Variants in ROBO2 observed in about 807,000 individuals in gnomAD.
The protein encoded by ROBO2 is roundabout guidance receptor 2.
A neutral mutation model predicts 160.8 loss-of-function variants in ROBO2; 53 were observed. The observed-to-expected ratio is 0.33, with a 90% CI of 0.26 to 0.41. The LOEUF (loss-of-function observed/expected upper bound fraction) is 0.41. Ranked by LOEUF, ROBO2 falls within the 10% of genes least tolerant of loss-of-function variation. ROBO2 has a pLI of 1.00. For synonymous variants in ROBO2, 664 were observed against 611.7 expected (o/e 1.09, Z -1.26); for missense variants, 1,577 against 1,722.4 (o/e 0.92, Z 1.49).
At chr3:77,370,937 T>C (rs1039277812) in intron 2 of ROBO2, among the ~76,000 whole-genome samples, 15 of 152,128 alleles carry the variant, frequency 9.9e-5, no homozygotes, top group Non-Finnish European at 1.6e-4. Context: ...GAGCTGAAAG[T>C]TTCCATAAAA....
chr3:75,952,378 G>T (rs1183188295), intron 2 of ROBO2, among the ~76,000 whole-genome samples: 2 of 151,936 alleles, frequency 1.3e-5, no homozygotes, highest in Non-Finnish European at 2.9e-5. Flanking sequence ...ATTTATTAAT[G>T]AAATGTAATC....
At chr3:77,046,981 T>C (rs532262503) in intron 1 of ROBO2, among the ~76,000 whole-genome samples, 1 of 152,234 alleles carries the variant, frequency 6.6e-6, no homozygotes, top group Admixed American at 6.5e-5. Context: ...GTGTACACAG[T>C]ATAGTCTTGA....
At chr3:77,512,199 T>C (rs1364636914) in intron 5 of ROBO2, among the ~76,000 whole-genome samples, 1 of 151,962 alleles carries the variant, frequency 6.6e-6, no homozygotes, top group African/African-American at 2.4e-5. Context: ...ACCTTAAATA[T>C]TGAAGATTAA....
chr3:76,150,570 C>A (rs2072157902), intron 2 of ROBO2, among the ~76,000 whole-genome samples: 1 of 152,188 alleles, frequency 6.6e-6, no homozygotes, highest in South Asian at 2.1e-4. Context: ...ATTCCCACCT[C>A]AGGGCCTTTA....
intron 2 of ROBO2, among the ~76,000 whole-genome samples, chr3:77,421,984 G>C (rs1277708211): frequency 6.6e-6 from 1 of 152,080 alleles, no homozygotes; most frequent in Non-Finnish European, 1.5e-5. Flanking sequence ...AAATGAATTA[G>C]AAATAATATC....
intron 2 of ROBO2, among the ~76,000 whole-genome samples, chr3:77,295,528 G>A (rs1231797268): frequency 7.7e-5 from 11 of 142,552 alleles, no homozygotes; most frequent in Admixed American, 5.6e-4. Flanking sequence ...ACGGTTAAAT[G>A]GGTAAGCTGA....
chr3:77,057,013 G>A (rs986671957), intron 1 of ROBO2, among the ~76,000 whole-genome samples: 28 of 152,060 alleles, frequency 1.8e-4, no homozygotes, highest in Admixed American at 3.9e-4. Flanking sequence ...ACATGCACAC[G>A]TATGTTTATT....
chr3:75,943,256 C>T (rs1055362834), intron 2 of ROBO2, among the ~76,000 whole-genome samples: 3 of 152,050 alleles, frequency 2.0e-5, no homozygotes, highest in African/African-American at 7.2e-5. Flanking sequence ...AAAAATCTTA[C>T]TATTCAACAT....
intron 2 of ROBO2, among the ~76,000 whole-genome samples, chr3:76,286,062 G>A (rs1160913001): frequency 6.6e-6 from 1 of 152,146 alleles, no homozygotes; most frequent in Non-Finnish European, 1.5e-5. Flanking sequence ...CTCCTAAGTA[G>A]TTCACAGTTC....
At chr3:76,728,522 C>T (rs1346668661) in intron 2 of ROBO2, among the ~76,000 whole-genome samples, 1 of 152,128 alleles carries the variant, frequency 6.6e-6, no homozygotes, top group African/African-American at 2.4e-5. Context: ...TCGCTATCTT[C>T]GTGTGTGAAA....
intron 2 of ROBO2, among the ~76,000 whole-genome samples, chr3:76,595,124 G>A (rs1461711110): frequency 6.6e-6 from 1 of 151,878 alleles, no homozygotes; most frequent in Non-Finnish European, 1.5e-5. Context: ...GGATTTATGG[G>A]CACACTGATC....
rs1209263318 is a variant in ROBO2, at chr3:76,939,062, C to G, written c.110-158952C>G. Among the ~76,000 whole-genome samples, 6 of 150,144 alleles carry G rather than the reference C, an allele frequency of 4.0e-5. No homozygotes were observed. The South Asian group carries it at 1.3e-3, about 32-fold the overall frequency. On this transcript the variant is annotated intron_variant, in intron 2 of 26. Coordinates refer to the ROBO2 transcript ENST00000487694. ...CAATGTACAGAACATATTCAGCCAA[C>G]AGAGAGGTGGGTAAGGCAGAAAATG...
chr3:77,331,360 G>A lies in ROBO2; in HGVS notation c.389-146054G>A, dbSNP rs139425352. The stretch of plus-strand genomic sequence containing the variant: ...AGACTGTTTAATGAGGAGATGTGAA[G>A]CCTTTTACAGTTTATTGTTGATGAC... On this transcript the variant is annotated intron_variant, in intron 2 of 25. Transcript: ENST00000461745. Among the ~76,000 whole-genome samples the A allele has an allele frequency of 3.3e-3, 499 of 152,250 alleles. 4 individuals carry two copies. Among genetic ancestry groups the A allele is most frequent in the African/African-American group, 0.011 (439 of 41,576 alleles).
intron 2 of ROBO2, among the ~76,000 whole-genome samples, chr3:77,240,532 A>G (rs536504923): frequency 6.6e-6 from 1 of 152,256 alleles, no homozygotes; most frequent in South Asian, 2.1e-4. Context: ...AGGGGCTCCC[A>G]CACTGCAGCA....
At chr3:76,374,661 C>T (rs1318599431) in intron 2 of ROBO2, among the ~76,000 whole-genome samples, 3 of 151,848 alleles carry the variant, frequency 2.0e-5, no homozygotes, top group Non-Finnish European at 2.9e-5. Context: ...TTGTCCAACC[C>T]CTTAGCCTCT....
chr3:76,610,313 G>A (rs35679680), intron 2 of ROBO2, among the ~76,000 whole-genome samples: 16,953 of 152,140 alleles, frequency 0.11, 1,302 homozygotes, highest in Middle Eastern at 0.16. Flanking sequence ...GGCCCCCTGG[G>A]TTCGCTCAGC....
At chr3:76,445,554 C>G (rs530869970) in intron 2 of ROBO2, among the ~76,000 whole-genome samples, 27 of 152,236 alleles carry the variant, frequency 1.8e-4, no homozygotes, top group African/African-American at 6.5e-4. Context: ...CCAGCTTCAT[C>G]CTGATACCAA....
intron 5 of ROBO2, among the ~76,000 whole-genome samples, chr3:77,508,936 A>T (rs894309523): frequency 6.6e-6 from 1 of 152,088 alleles, no homozygotes; most frequent in African/African-American, 2.4e-5. Context: ...CAACTCTCAT[A>T]AGTTTGTAGT....
At chr3:77,269,950 A>T (rs920805058) in intron 2 of ROBO2, among the ~76,000 whole-genome samples, 1 of 152,180 alleles carries the variant, frequency 6.6e-6, no homozygotes, top group Non-Finnish European at 1.5e-5. Flanking sequence ...TCTAATTAAA[A>T]TAGCAACTTA....
Sources: gnomAD v4.1 joint callset for allele counts (sites outside exome capture counted in the v4.1 genomes callset) on GRCh38, gnomAD v4.1.1 for gene constraint, MANE v1.5 for transcripts, NCBI Gene and HGNC (gene_info 2026-07-23, HGNC 2026-07-21) for gene names.